RCAN1: variants seen among roughly 807,000 people sequenced by gnomAD.
RCAN1 encodes regulator of calcineurin 1, also known as calcipressin-1.
Under a neutral mutation model 22.9 loss-of-function variants are expected in RCAN1, and 11 were observed. The observed-to-expected ratio is 0.48, with a 90% CI of 0.30 to 0.79. The LOEUF (loss-of-function observed/expected upper bound fraction) is 0.79. Among genes scored for constraint, RCAN1 ranks in the 30% least tolerant of loss-of-function variants. The pLI is 0.06. For missense variants in RCAN1, 291 were observed against 337.8 expected (o/e 0.86, Z 1.09); for synonymous variants, 136 against 142.3 (o/e 0.96, Z 0.32).
chr21:34,558,226 C>T (rs1986656135), intron 1 of RCAN1, among the ~76,000 whole-genome samples: 1 of 152,202 alleles, frequency 6.6e-6, no homozygotes, highest in African/African-American at 2.4e-5. Context: ...GTTCCCATCA[C>T]CAAACCACTC....
chr21:34,579,104 C>T (rs909070232), intron 1 of RCAN1, among the ~76,000 whole-genome samples: 4 of 152,120 alleles, frequency 2.6e-5, no homozygotes, highest in East Asian at 1.9e-4. Flanking sequence ...GTTAAAAATG[C>T]GATGTTATGG....
chr21:34,543,274 A>T (rs970850445), intron 1 of RCAN1, among the ~76,000 whole-genome samples: 6 of 152,196 alleles, frequency 3.9e-5, no homozygotes, highest in Non-Finnish European at 7.3e-5. Flanking sequence ...CTAGGAGATG[A>T]TGGATTACCA....
At chr21:34,572,080 C>T (rs956734153) in intron 1 of RCAN1, among the ~76,000 whole-genome samples, 5 of 152,136 alleles carry the variant, frequency 3.3e-5, no homozygotes, top group Non-Finnish European at 7.4e-5. Context: ...GGAAAATCTG[C>T]AGAATTCACC....
chr21:34,517,128 T>A lies in RCAN1; in HGVS notation c.*956A>T, dbSNP rs1165922146. 1 of 152,248 alleles carries A rather than the reference T, an allele frequency of 6.6e-6. No homozygotes were observed. The highest frequency in any genetic ancestry group is 1.5e-5 in the Non-Finnish European group (1 of 68,046). The allele number at this position is 152,248 out of a possible 1,614,324, so 9.4% of individuals were successfully genotyped here. A position where few individuals can be genotyped will look rare whatever the true frequency, so the allele number is the denominator to read the frequency against. On this transcript the variant is annotated 3_prime_UTR_variant, in exon 4 of 4. Transcript: ENST00000313806. ...TATTTACAAGTGTATCTTGATGTCTTCGTGGGGTAAAAGAACCAACTATCT... is the reference window on the plus strand; with the variant it reads ...TATTTACAAGTGTATCTTGATGTCTACGTGGGGTAAAAGAACCAACTATCT...
At chr21:34,526,883 G>A in intron 1 of RCAN1, 2 of 1,433,802 alleles carry the variant, frequency 1.4e-6, no homozygotes, top group East Asian at 2.8e-5. Context: ...ACTCCCTGGG[G>A]AAAAAAAAAG....
chr21:34,531,089 T>C lies in RCAN1; in HGVS notation c.253-7379A>G, dbSNP rs114651674. ...GGAGAAGGTTCTTATTCTCAACTTTTAAGAGGGATTAATATCAAATTCAGA... is the reference window on the plus strand; with the variant it reads ...GGAGAAGGTTCTTATTCTCAACTTTCAAGAGGGATTAATATCAAATTCAGA... On this transcript the variant is annotated intron_variant, in intron 1 of 3. Coordinates refer to ENST00000313806, the MANE Select transcript of RCAN1 (RefSeq NM_004414.7). Among the ~76,000 whole-genome samples, 190 of 152,328 alleles carry C rather than the reference T, an allele frequency of 1.2e-3. 2 individuals carry two copies. Among genetic ancestry groups the C allele is most frequent in the African/African-American group, 3.5e-3 (144 of 41,586 alleles).
chr21:34,536,494 C>T (rs139754640), intron 1 of RCAN1, among the ~76,000 whole-genome samples: 71 of 152,306 alleles, frequency 4.7e-4, no homozygotes, highest in African/African-American at 1.3e-3. Flanking sequence ...CACAACCCCA[C>T]GGCTGGTTCA....
At chr21:34,590,559 C>T (rs1439641397) in intron 1 of RCAN1, among the ~76,000 whole-genome samples, 2 of 152,216 alleles carry the variant, frequency 1.3e-5, no homozygotes, top group Non-Finnish European at 2.9e-5. Flanking sequence ...TGAGTGTTTT[C>T]TCCACATTAT....
rs1601118021 is a variant in RCAN1 at position 34,518,056 on chromosome 21, T to G, written c.*28A>C. 1 of 1,612,544 alleles carries G rather than the reference T, an allele frequency of 6.2e-7. No homozygotes were observed. Among genetic ancestry groups the G allele is most frequent in the East Asian group, 2.2e-5 (1 of 44,866 alleles). ...AAAAGATTCCTCCCGTGAGTATGAT[T>G]TGGAATGCGTCCTCGTCGCGTGCCA... On this transcript the variant is annotated 3_prime_UTR_variant, in exon 4 of 4. Coordinates refer to ENST00000313806, the MANE Select transcript of RCAN1 (RefSeq NM_004414.7). The surrounding 1 kb of genome is among the most constrained non-coding windows in gnomAD (Gnocchi z 4.2).
chr21:34,611,894 T>C (rs1988695797), intron 1 of RCAN1, among the ~76,000 whole-genome samples: 2 of 152,190 alleles, frequency 1.3e-5, no homozygotes. Flanking sequence ...GGTTGCCCAC[T>C]GCATAGAGCT....
At chr21:34,534,042 G>C (rs1985553747) in intron 1 of RCAN1, among the ~76,000 whole-genome samples, 1 of 152,186 alleles carries the variant, frequency 6.6e-6, no homozygotes, top group Non-Finnish European at 1.5e-5. Flanking sequence ...TACAGAAGTG[G>C]GAGCCATAAG....
At chr21:34,533,023 C>T (rs536725340) in intron 1 of RCAN1, among the ~76,000 whole-genome samples, 1,514 of 150,644 alleles carry the variant, frequency 0.01, 13 homozygotes, top group Non-Finnish European at 0.015. Context: ...TGCAGTGGCA[C>T]TATCTCGGCT....
chr21:34,548,683 A>G (rs1012028825), intron 1 of RCAN1, among the ~76,000 whole-genome samples: 10 of 152,214 alleles, frequency 6.6e-5, no homozygotes, highest in African/African-American at 2.4e-4. Flanking sequence ...TAACATAAGA[A>G]ATATTATTTT....
At chr21:34,534,601 G>A (rs1440252399) in intron 1 of RCAN1, among the ~76,000 whole-genome samples, 1 of 152,212 alleles carries the variant, frequency 6.6e-6, no homozygotes, top group African/African-American at 2.4e-5. Flanking sequence ...CTCATCTGAT[G>A]CAAACCAAGA....
chr21:34,607,393 T>TC (rs1477523689), intron 1 of RCAN1, among the ~76,000 whole-genome samples: 1 of 151,692 alleles, frequency 6.6e-6, no homozygotes, highest in Non-Finnish European at 1.5e-5. Context: ...TTGGATTTGC[T>TC]CCCTTTTTTT....
rs542885000 is a variant in RCAN1, at chr21:34,592,158, C to T, written c.252+22602G>A. On this transcript the variant is annotated intron_variant, in intron 1 of 3. Transcript: ENST00000313806. ...GGAGCCAGAAAACCTGAGAAAACTA[C>T]GCAAGTGCACTCCAGTGTCTGAATT... Among the ~76,000 whole-genome samples the T allele has an allele frequency of 3.9e-5, 6 of 152,340 alleles. No individual in the cohort carries two copies. In the South Asian group the frequency reaches 8.3e-4, roughly 21 times the overall value.
intron 1 of RCAN1, among the ~76,000 whole-genome samples, chr21:34,605,463 C>G (rs1988493108): frequency 6.6e-6 from 1 of 152,088 alleles, no homozygotes; most frequent in African/African-American, 2.4e-5. Context: ...ATCTAGAGAA[C>G]CCTAATATAA....
intron 1 of RCAN1, among the ~76,000 whole-genome samples, chr21:34,582,180 A>T (rs1474918747): frequency 6.6e-6 from 1 of 152,190 alleles, no homozygotes; most frequent in African/African-American, 2.4e-5. Flanking sequence ...AATTTAATAC[A>T]TATTCATGAA....
At chr21:34,584,838 C>A (rs1987735933) in intron 1 of RCAN1, among the ~76,000 whole-genome samples, 1 of 152,140 alleles carries the variant, frequency 6.6e-6, no homozygotes, top group African/African-American at 2.4e-5. Context: ...ATAAGAGCAT[C>A]CTGAATCCAA....
Sources: allele counts gnomAD v4.1 joint callset (sites outside exome capture counted in the v4.1 genomes callset), GRCh38; gene constraint gnomAD v4.1.1; non-coding constraint Gnocchi (gnomAD v3.1); transcripts MANE v1.5; gene names NCBI Gene and HGNC (gene_info 2026-07-23, HGNC 2026-07-21).